The following NBAS variants were observed in gnomAD, a reference collection of about 807,000 sequenced individuals.
The protein encoded by NBAS is NAG/BC035112 fusion.
NBAS carries 219 observed loss-of-function variants against 302.5 expected under a neutral mutation model. The ratio of observed to expected loss-of-function variants is 0.72; its 90% CI spans 0.65 to 0.81. The LOEUF (loss-of-function observed/expected upper bound fraction) is 0.81. Ranked by LOEUF, NBAS falls within the 30% of genes least tolerant of loss-of-function variation. The pLI, the probability that NBAS is intolerant of heterozygous loss-of-function variation, is 0.00. For missense variants in NBAS, 2,932 were observed against 2,841.6 expected (o/e 1.03, Z -0.72); for synonymous variants, 1,118 against 1,021.6 (o/e 1.09, Z -1.80).
At chr2:15,502,020 T>C (rs1312984873) in intron 11 of NBAS, among the ~76,000 whole-genome samples, 2 of 152,232 alleles carry the variant, frequency 1.3e-5, no homozygotes, top group African/African-American at 2.4e-5. Flanking sequence ...ATTTGTCATC[T>C]CAGCTACTTT....
intron 23 of NBAS, among the ~76,000 whole-genome samples, chr2:15,419,150 C>A (rs1297927963): frequency 3.3e-5 from 5 of 151,936 alleles, no homozygotes; most frequent in African/African-American, 1.2e-4. Context: ...ATATACTGGG[C>A]AAAAATAATA....
intron 51 of NBAS, among the ~76,000 whole-genome samples, chr2:15,176,482 T>C (rs10929347): frequency 0.29 from 43,644 of 150,462 alleles, 6,652 homozygotes; most frequent in African/African-American, 0.41. Flanking sequence ...CACACACACA[T>C]ACACTCAAGA....
At chr2:15,154,760 C>G in the NBAS span, among the ~76,000 whole-genome samples, 1 of 152,196 alleles carries the variant, frequency 6.6e-6, no homozygotes. Context: ...CAGCACCACA[C>G]ACCCTGGACA....
chr2:14,814,792 G>A, the NBAS span, among the ~76,000 whole-genome samples: 1 of 152,086 alleles, frequency 6.6e-6, no homozygotes, highest in Non-Finnish European at 1.5e-5. Context: ...AGGAGCCAGG[G>A]GAATGACATG....
At chr2:15,092,439 GA>G in the NBAS span, among the ~76,000 whole-genome samples, 1 of 152,214 alleles carries the variant, frequency 6.6e-6, no homozygotes, top group African/African-American at 2.4e-5. Flanking sequence ...TGAAACAAAG[GA>G]AGGGACTTGG....
At chr2:14,803,373 T>C in the NBAS span, among the ~76,000 whole-genome samples, 1 of 152,172 alleles carries the variant, frequency 6.6e-6, no homozygotes, top group Non-Finnish European at 1.5e-5. Flanking sequence ...TCTGGGGCTC[T>C]CTCTCTTTGT....
chr2:14,981,019 A>G, the NBAS span, among the ~76,000 whole-genome samples: 11 of 152,172 alleles, frequency 7.2e-5, no homozygotes, highest in African/African-American at 2.4e-4. Flanking sequence ...TTAATTCAAG[A>G]CATACAACAT....
intron 9 of NBAS, among the ~76,000 whole-genome samples, chr2:15,525,136 A>T (rs530570240): frequency 1.3e-5 from 2 of 152,300 alleles, no homozygotes; most frequent in South Asian, 2.1e-4. Flanking sequence ...TTCCATCCCA[A>T]TACCAGCAAT....
the NBAS span, among the ~76,000 whole-genome samples, chr2:14,961,426 AT>A: frequency 4.2e-4 from 62 of 148,100 alleles, no homozygotes; most frequent in East Asian, 9.9e-4. Flanking sequence ...ACAAGAGCTG[AT>A]TTTTTTTTTT....
chr2:14,835,509 A>T, the NBAS span, among the ~76,000 whole-genome samples: 3 of 152,004 alleles, frequency 2.0e-5, no homozygotes, highest in Non-Finnish European at 2.9e-5. Context: ...TGGTAATAAC[A>T]TCCTTGTTTT....
chr2:14,825,671 A>G, the NBAS span, among the ~76,000 whole-genome samples: 1 of 152,196 alleles, frequency 6.6e-6, no homozygotes, highest in Non-Finnish European at 1.5e-5. Context: ...CCTGTATTCC[A>G]GCAACTTATA....
At chr2:14,832,642 T>C in the NBAS span, among the ~76,000 whole-genome samples, 3 of 152,168 alleles carry the variant, frequency 2.0e-5, no homozygotes, top group African/African-American at 7.2e-5. Context: ...TCTGAGGGGA[T>C]AGCCACTACT....
intron 21 of NBAS, among the ~76,000 whole-genome samples, chr2:15,455,809 GT>G (rs55852992): frequency 0.61 from 90,948 of 150,196 alleles, 28,488 homozygotes; most frequent in Non-Finnish European, 0.68. Flanking sequence ...ACAGACAACT[GT>G]TCAAAATACA....
chr2:15,397,328 A>G (rs773324722), intron 26 of NBAS: 17 of 225,150 alleles, frequency 7.6e-5, no homozygotes, highest in Non-Finnish European at 6.8e-5. Context: ...CCTAAACTCC[A>G]GCAAGATCTT....
At chr2:15,086,870 T>C in the NBAS span, among the ~76,000 whole-genome samples, 2 of 152,204 alleles carry the variant, frequency 1.3e-5, no homozygotes, top group South Asian at 2.1e-4. Flanking sequence ...TGAGATGAGA[T>C]TAACATAAAT....
At chr2:14,883,434 A>G in the NBAS span, among the ~76,000 whole-genome samples, 3 of 152,174 alleles carry the variant, frequency 2.0e-5, no homozygotes, top group Non-Finnish European at 2.9e-5. Context: ...TGGACAATAT[A>G]CAAGAAAATT....
chr2:15,512,493 T>A (rs1418648688), intron 9 of NBAS, among the ~76,000 whole-genome samples: 1 of 152,218 alleles, frequency 6.6e-6, no homozygotes, highest in Non-Finnish European at 1.5e-5. Flanking sequence ...TTACATGGAT[T>A]TAAGGTTGTA....
rs1670350999 is a variant in NBAS at position 15,292,520 on chromosome 2, C to G, written c.5027+17G>C. Reference sequence around the variant, plus strand: ...AGTTTAAATCCATCCCCTTATGAAACAAAGGGTATCACTTACTCTGCCAGA... The same window carrying G: ...AGTTTAAATCCATCCCCTTATGAAAGAAAGGGTATCACTTACTCTGCCAGA... On this transcript the variant is annotated intron_variant, in intron 41 of 51. Transcript: ENST00000281513. The G allele has an allele frequency of 6.2e-7, 1 of 1,610,184 alleles. No homozygotes were observed. Among genetic ancestry groups the G allele is most frequent in the Non-Finnish European group, 8.5e-7 (1 of 1,176,600 alleles).
At chr2:14,950,447 A>G in the NBAS span, among the ~76,000 whole-genome samples, 1 of 152,242 alleles carries the variant, frequency 6.6e-6, no homozygotes, top group Non-Finnish European at 1.5e-5. Context: ...ACAAATATTT[A>G]AGGTGATGGA....
Sources: allele counts gnomAD v4.1 joint callset (sites outside exome capture counted in the v4.1 genomes callset), GRCh38; gene constraint gnomAD v4.1.1; transcripts MANE v1.5; gene names NCBI Gene and HGNC (gene_info 2026-07-23, HGNC 2026-07-21).